GAS7: variants seen among roughly 807,000 people sequenced by gnomAD.
GAS7 encodes growth arrest-specific protein 7.
GAS7 carries 28 observed loss-of-function variants against 71.1 expected under a neutral mutation model. The observed-to-expected ratio is 0.39, with a 90% CI of 0.29 to 0.54. The LOEUF (loss-of-function observed/expected upper bound fraction) is 0.54, where lower values mean the gene tolerates loss of function less well. Among genes scored for constraint, GAS7 ranks in the 20% least tolerant of loss-of-function variants. The pLI is 0.62. For missense variants in GAS7, 436 were observed against 627.8 expected, an observed-to-expected ratio of 0.69 and a Z score of 3.27; for synonymous variants, 258 against 245.8, an observed-to-expected ratio of 1.05 and a Z score of -0.46.
chr17:9,987,153 T>G (rs756720126), intron 2 of GAS7, among the ~76,000 whole-genome samples: 24 of 152,262 alleles, frequency 1.6e-4, no homozygotes, highest in Non-Finnish European at 2.9e-4. Context: ...CGTCCATCCC[T>G]GTGGTCTTAG....
chr17:10,113,484 G>A (rs1369224299), intron 1 of GAS7, among the ~76,000 whole-genome samples: 1 of 152,056 alleles, frequency 6.6e-6, no homozygotes, highest in Non-Finnish European at 1.5e-5. Context: ...AACAGGAGGA[G>A]GAAGCTCTTC....
chr17:10,165,308 A>G (rs965336282), intron 1 of GAS7, among the ~76,000 whole-genome samples: 20 of 151,334 alleles, frequency 1.3e-4, no homozygotes, highest in African/African-American at 1.9e-4. Flanking sequence ...AAAAAAAAAA[A>G]AAAGAAAACA....
intron 1 of GAS7, among the ~76,000 whole-genome samples, chr17:10,053,701 A>C (rs2152237796): frequency 6.6e-6 from 1 of 152,310 alleles, no homozygotes; most frequent in South Asian, 2.1e-4. Context: ...AAAATCTGGA[A>C]GAACTCCTCC....
chr17:10,143,479 T>C (rs2074099263), intron 1 of GAS7, among the ~76,000 whole-genome samples: 1 of 150,956 alleles, frequency 6.6e-6, no homozygotes, highest in South Asian at 2.1e-4. Context: ...GAGGCAGAGG[T>C]TGCAGTGAGC....
intron 1 of GAS7, among the ~76,000 whole-genome samples, chr17:10,042,546 T>C (rs990785721): frequency 6.6e-6 from 1 of 152,146 alleles, no homozygotes; most frequent in Non-Finnish European, 1.5e-5. Context: ...AGGTATTGTA[T>C]GTAGGACCTG....
intron 1 of GAS7, among the ~76,000 whole-genome samples, chr17:10,022,404 T>C (rs546441324): frequency 2.0e-5 from 3 of 152,300 alleles, no homozygotes; most frequent in African/African-American, 7.2e-5. Context: ...TATTGGTACT[T>C]ATCCAAATAA....
At chr17:10,095,195 A>G (rs555036807) in intron 1 of GAS7, among the ~76,000 whole-genome samples, 25 of 152,346 alleles carry the variant, frequency 1.6e-4, no homozygotes, top group Non-Finnish European at 3.1e-4. Flanking sequence ...GCACATAGGA[A>G]GGTATATTGG....
intron 1 of GAS7, among the ~76,000 whole-genome samples, chr17:10,023,167 A>T (rs893478648): frequency 1.3e-5 from 2 of 152,214 alleles, no homozygotes; most frequent in African/African-American, 4.8e-5. Flanking sequence ...CACCAGGCCC[A>T]TCTCCTAATG....
rs1306560635 is a variant in GAS7 at position 9,915,897 on chromosome 17, G to C, written c.*1331C>G. ...GAGAAAGGGAGAAAGTAATGAGCTG[G>C]GCCAAACAGCAGCACTGAAAGCTTC... On this transcript the variant is annotated 3_prime_UTR_variant, in exon 14 of 14. Transcript: ENST00000432992. 4.3e-6 allele frequency: 1 copy of C among 232,306 alleles called. No individual in the cohort carries two copies. Among genetic ancestry groups the C allele is most frequent in the Non-Finnish European group, 8.5e-6 (1 of 117,568 alleles). The allele number at this position is 232,306 out of a possible 1,614,324, so 14.4% of individuals were successfully genotyped here.
In GAS7 at chr17:10,198,549, G is replaced by GT; in HGVS notation, c.-160_-159insA. 2.4e-6 allele frequency: 1 copy of GT among 415,508 alleles called. No homozygotes were observed. The highest frequency in any genetic ancestry group is 8.6e-5 in the South Asian group (1 of 11,588). 25.7% of individuals were successfully genotyped at this position (415,508 alleles called of 1,614,324 possible). ...CGCGGGGGTCCTCAGGCAGGCGGGG[G>GT]ACGCGCGCTCCGCGCCGGGAAGCAG... is the stretch of plus-strand genomic sequence containing the variant. On this transcript the variant is annotated 5_prime_UTR_variant, in exon 1 of 14. Transcript: ENST00000432992.
At chr17:10,001,746 A>G (rs1353873844) in intron 2 of GAS7, among the ~76,000 whole-genome samples, 1 of 152,208 alleles carries the variant, frequency 6.6e-6, no homozygotes, top group Admixed American at 6.5e-5. Context: ...AGCCAAGAGA[A>G]GGATCAAAAG....
chr17:9,927,047 T>A lies in GAS7; in HGVS notation c.886-278A>T, dbSNP rs1048651973. 22 of 282,556 alleles carry A rather than the reference T, an allele frequency of 7.8e-5. No individual in the cohort carries two copies. In the African/African-American group the frequency reaches 9.1e-4, roughly 12 times the overall value. 17.5% of individuals were successfully genotyped at this position (282,556 alleles called of 1,614,324 possible). On this transcript the variant is annotated intron_variant, in intron 9 of 13. Coordinates refer to ENST00000432992, the MANE Select transcript of GAS7 (RefSeq NM_201433.2). ...CTGATTTCCCCATCTGTTAACTACTTTTTTTCTGAGCTTCTGCAGCTTTTA... is the reference window on the plus strand; with the variant it reads ...CTGATTTCCCCATCTGTTAACTACTATTTTTCTGAGCTTCTGCAGCTTTTA...
chr17:9,967,452 T>C (rs1376037028), intron 4 of GAS7, among the ~76,000 whole-genome samples: 1 of 151,954 alleles, frequency 6.6e-6, no homozygotes, highest in Non-Finnish European at 1.5e-5. Context: ...TCCAAACGTC[T>C]CCAGACATTG....
intron 1 of GAS7, among the ~76,000 whole-genome samples, chr17:10,196,366 G>A (rs1324860550): frequency 6.6e-6 from 1 of 152,218 alleles, no homozygotes; most frequent in African/African-American, 2.4e-5. Flanking sequence ...GGGAACTGGT[G>A]ATAACGTGCA....
Position 9,991,248 on chromosome 17 carries a change from T to A in GAS7, c.305-9364A>T, listed in dbSNP as rs938652368. ...AGCACATCTCCCAAAAGAGGGGTGCTAGGGGTGAAGGGGGGCTAGAATGCC... is the reference window on the plus strand; with the variant it reads ...AGCACATCTCCCAAAAGAGGGGTGCAAGGGGTGAAGGGGGGCTAGAATGCC... On this transcript the variant is annotated intron_variant, in intron 2 of 13. Transcript: ENST00000432992. Among the ~76,000 whole-genome samples the A allele has an allele frequency of 2.6e-5, 4 of 152,246 alleles. No homozygotes were observed. The South Asian group carries it at 8.3e-4, about 32-fold the overall frequency.
At chr17:9,971,433 C>T (rs1002327558) in intron 3 of GAS7, among the ~76,000 whole-genome samples, 13 of 152,042 alleles carry the variant, frequency 8.6e-5, no homozygotes, top group Admixed American at 2.6e-4. Context: ...GGTGTGGTGG[C>T]TCATGTCTGT....
At chr17:10,076,526 G>A (rs1234123081) in intron 1 of GAS7, among the ~76,000 whole-genome samples, 1 of 152,020 alleles carries the variant, frequency 6.6e-6, no homozygotes, top group Non-Finnish European at 1.5e-5. Flanking sequence ...GGAAGAAACG[G>A]CTGACATATT....
intron 1 of GAS7, among the ~76,000 whole-genome samples, chr17:10,163,735 T>G (rs903733764): frequency 6.6e-6 from 1 of 152,074 alleles, no homozygotes; most frequent in African/African-American, 2.4e-5. Context: ...CCCCCAAGAC[T>G]TTCCCCATGG....
At position 9,910,744 on chromosome 17, in the gene GAS7, C is replaced by T. The variant is rs753540842; in HGVS notation, c.*6484G>A. 1.6e-3 allele frequency: 335 copies of T among 214,226 alleles called. 1 individual carries two copies. The highest frequency in any genetic ancestry group is 2.5e-3 in the Non-Finnish European group (264 of 106,520). 13.3% of individuals were successfully genotyped at this position (214,226 alleles called of 1,614,324 possible). A position where few individuals can be genotyped will look rare whatever the true frequency, so the allele number is the denominator to read the frequency against. ...GGTAACAGGGGTCAGGGGGGTGGTG[C>T]GGGGGCAGGTGGGTTACAGCCTCCA... On this transcript the variant is annotated 3_prime_UTR_variant, in exon 14 of 14. Transcript: ENST00000432992.
Sources: gnomAD v4.1 joint callset for allele counts (sites outside exome capture counted in the v4.1 genomes callset) on GRCh38, gnomAD v4.1.1 for gene constraint, MANE v1.5 for transcripts, NCBI Gene and HGNC (gene_info 2026-07-23, HGNC 2026-07-21) for gene names.